The following PAPPA2 variants were observed in gnomAD, a reference collection of about 807,000 sequenced individuals.
The protein encoded by PAPPA2 is pappalysin-2.
A neutral mutation model predicts 176.4 loss-of-function variants in PAPPA2; 86 were observed. The ratio of observed to expected loss-of-function variants is 0.49; its 90% CI spans 0.41 to 0.58. The LOEUF is 0.58. PAPPA2 is among the 20% of genes least tolerant of loss of function. The pLI is 0.00. For missense variants in PAPPA2, 2,073 were observed against 2,256.9 expected, an observed-to-expected ratio of 0.92 and a Z score of 1.65; for synonymous variants, 809 against 852.2, an observed-to-expected ratio of 0.95 and a Z score of 0.88.
At chr1:176,828,204 A>G (rs1666930839) in intron 21 of PAPPA2, among the ~76,000 whole-genome samples, 2 of 152,160 alleles carry the variant, frequency 1.3e-5, no homozygotes, top group Admixed American at 1.3e-4. Flanking sequence ...ATTCCTTAAC[A>G]GCGCCAGTTT....
At chr1:176,465,358 G>A (rs765848605) in intron 1 of PAPPA2, among the ~76,000 whole-genome samples, 1 of 152,214 alleles carries the variant, frequency 6.6e-6, no homozygotes, top group African/African-American at 2.4e-5. Context: ...ACTCTCACCA[G>A]TAGTGAATGG....
chr1:176,645,515 C>T (rs1345340898), intron 3 of PAPPA2, among the ~76,000 whole-genome samples: 2 of 151,734 alleles, frequency 1.3e-5, no homozygotes, highest in Non-Finnish European at 2.9e-5. Flanking sequence ...AGTTTGATTC[C>T]ATATTTTAGC....
intron 4 of PAPPA2, among the ~76,000 whole-genome samples, chr1:176,684,734 G>C (rs565856201): frequency 6.6e-6 from 1 of 152,168 alleles, no homozygotes; most frequent in South Asian, 2.1e-4. Flanking sequence ...GTGTAAATCT[G>C]ATCTAACAAT....
intron 14 of PAPPA2, 131 bp from the exon 15 acceptor site, chr1:176,765,535 A>T: frequency 2.5e-6 from 2 of 800,914 alleles, no homozygotes; most frequent in Non-Finnish European, 4.0e-6. Context: ...AAAGGTGATG[A>T]GTTAAATATC....
At chr1:176,665,617 A>T (rs1024949616) in intron 3 of PAPPA2, among the ~76,000 whole-genome samples, 1 of 152,172 alleles carries the variant, frequency 6.6e-6, no homozygotes, top group Admixed American at 6.5e-5. Flanking sequence ...GTTTCTTCCT[A>T]AAAAGCTCAA....
rs574188383 is a variant in PAPPA2, at chr1:176,533,370, A to G, written c.-916-22037A>G. Among the ~76,000 whole-genome samples, 171 of 152,358 alleles carry G rather than the reference A, an allele frequency of 1.1e-3. 2 individuals are homozygous for G. The highest frequency in any genetic ancestry group is 3.8e-3 in the African/African-American group (160 of 41,586). ...ATAGATTCTGCCTTGGCAAAGGACT[A>G]GGTCACGGTCACCATCACCATAAGC... On this transcript the variant is annotated intron_variant, in intron 1 of 22. Coordinates refer to ENST00000367662, the MANE Select transcript of PAPPA2 (RefSeq NM_020318.3).
In PAPPA2 at chr1:176,724,771, C is replaced by T. The variant is rs758642794; in HGVS notation, c.3798+12790C>T. Among the ~76,000 whole-genome samples the T allele has an allele frequency of 3.0e-4, 45 of 152,346 alleles. 1 individual carries two copies. Among genetic ancestry groups the T allele is most frequent in the Admixed American group, 7.8e-4 (12 of 15,304 alleles). The stretch of plus-strand genomic sequence containing the variant: ...GGATTTCAAAGATGAAAATCCCTAA[C>T]ACCAGGCGTCAAAGAAGAAGAAACG... On this transcript the variant is annotated intron_variant, in intron 12 of 22. Coordinates refer to ENST00000367662, the MANE Select transcript of PAPPA2 (RefSeq NM_020318.3).
chr1:176,739,721 T>C lies in PAPPA2; in HGVS notation c.3894T>C (p.Thr1298=), dbSNP rs1195257403. The stretch of plus-strand genomic sequence containing the variant: ...GAGAGCATCAGCAGCCGACAGTGAC[T>C]CTCTACCTGACCGATGTCCGTGGAA... ...VPGEHQQPTV[T]LYLTDVRGSN... is the part of the protein sequence containing the mutation. The change falls in exon 13 of 23, where the codon ACT becomes ACC. Residue 1298 remains threonine, a synonymous_variant. Coordinates refer to ENST00000367662, the MANE Select transcript of PAPPA2 (RefSeq NM_020318.3). 6.2e-7 allele frequency: 1 copy of C among 1,613,716 alleles called. No homozygotes were observed. Among genetic ancestry groups the C allele is most frequent in the South Asian group, 1.1e-5 (1 of 91,074 alleles).
chr1:176,720,549 T>A (rs58738725), intron 12 of PAPPA2, among the ~76,000 whole-genome samples: 155 of 152,284 alleles, frequency 1.0e-3, no homozygotes, highest in African/African-American at 3.6e-3. Context: ...TGCTTTTTTT[T>A]AAATATGTAG....
intron 16 of PAPPA2, among the ~76,000 whole-genome samples, chr1:176,770,487 A>G (rs556607702): frequency 6.6e-5 from 10 of 152,296 alleles, no homozygotes; most frequent in East Asian, 1.9e-4. Context: ...CCGATCCCCA[A>G]TTTCCTGATC....
At chr1:176,657,453 A>C (rs532804460) in intron 3 of PAPPA2, among the ~76,000 whole-genome samples, 31 of 152,084 alleles carry the variant, frequency 2.0e-4, no homozygotes, top group African/African-American at 7.2e-4. Context: ...TAGATCTGCC[A>C]TTTTTGAAAG....
At position 176,824,375 on chromosome 1, in the gene PAPPA2, A is replaced by T. The variant is rs1666777057; in HGVS notation, c.5203-15798A>T. On this transcript the variant is annotated intron_variant, in intron 21 of 22. Transcript: ENST00000367662. Reference sequence around the variant, plus strand: ...CACACACAATCAAATTTAATAGTAAACATCCTACAAGTAGTTAATAAATAT... The same window carrying T: ...CACACACAATCAAATTTAATAGTAATCATCCTACAAGTAGTTAATAAATAT... 2.0e-5 allele frequency among the ~76,000 whole-genome samples: 3 copies of T among 152,292 alleles called. No homozygotes were observed. In the South Asian group the frequency reaches 6.2e-4, roughly 32 times the overall value.
intron 3 of PAPPA2, among the ~76,000 whole-genome samples, chr1:176,669,322 C>CT (rs1658852267): frequency 6.6e-6 from 1 of 151,954 alleles, no homozygotes; most frequent in Non-Finnish European, 1.5e-5. Context: ...CCTTCATTCT[C>CT]TTTTCTCTTC....
intron 3 of PAPPA2, among the ~76,000 whole-genome samples, chr1:176,601,758 A>G (rs1654335245): frequency 6.6e-6 from 1 of 152,214 alleles, no homozygotes; most frequent in African/African-American, 2.4e-5. Flanking sequence ...GCTCAGCCCA[A>G]AGGAATTTCT....
chr1:176,838,814 C>A (rs554148371), intron 21 of PAPPA2, among the ~76,000 whole-genome samples: 1 of 152,216 alleles, frequency 6.6e-6, no homozygotes, highest in Non-Finnish European at 1.5e-5. Context: ...TGTGTGGCAG[C>A]TGTTGAGTTC....
intron 3 of PAPPA2, among the ~76,000 whole-genome samples, chr1:176,597,685 TA>T (rs1255934746): frequency 6.6e-6 from 1 of 151,252 alleles, no homozygotes; most frequent in Non-Finnish European, 1.5e-5. Context: ...AAGTATAATT[TA>T]AAAAAAAAGA....
intron 14 of PAPPA2, among the ~76,000 whole-genome samples, chr1:176,764,659 A>C (rs1045200889): frequency 5.5e-5 from 8 of 144,384 alleles, no homozygotes; most frequent in East Asian, 2.1e-4. Flanking sequence ...TGCAGTGGCG[A>C]GATCTGGGCT....
intron 1 of PAPPA2, among the ~76,000 whole-genome samples, chr1:176,472,957 C>T (rs1651949963): frequency 6.6e-6 from 1 of 151,996 alleles, no homozygotes; most frequent in Non-Finnish European, 1.5e-5. Context: ...ACTTATGTGC[C>T]AATTCTCTTA....
chr1:176,500,885 G>A (rs1235240224), intron 1 of PAPPA2, among the ~76,000 whole-genome samples: 1 of 151,942 alleles, frequency 6.6e-6, no homozygotes, highest in Non-Finnish European at 1.5e-5. Context: ...TGACTAATAT[G>A]TGCTTTACTT....
Sources: gnomAD v4.1 joint callset for allele counts (sites outside exome capture counted in the v4.1 genomes callset) on GRCh38, gnomAD v4.1.1 for gene constraint, MANE v1.5 for transcripts, NCBI Gene and HGNC (gene_info 2026-07-23, HGNC 2026-07-21) for gene names.